Variants in PELI3 observed in about 807,000 individuals in gnomAD.
PELI3 encodes pellino E3 ubiquitin protein ligase family member 3, also known as E3 ubiquitin-protein ligase pellino homolog 3.
PELI3 carries 19 observed loss-of-function variants against 35.5 expected under a neutral mutation model. The observed-to-expected ratio is 0.54, with a 90% CI of 0.37 to 0.79. The LOEUF (loss-of-function observed/expected upper bound fraction) is 0.79, where lower values mean the gene tolerates loss of function less well. PELI3 is among the 30% of genes least tolerant of loss of function. The pLI is 0.00. For synonymous variants in PELI3, 262 were observed against 279.2 expected (o/e 0.94, Z 0.62); for missense variants, 490 against 661.2 (o/e 0.74, Z 2.84).
At chr11:66,471,205 C>T in intron 3 of PELI3, 37 bp from the exon 4 acceptor site, 1 of 1,585,850 alleles carries the variant, frequency 6.3e-7, no homozygotes. Context: ...TCTCTCTCCT[C>T]TTGCAACCCC....
chr11:66,472,669 C>A (rs550931957), intron 5 of PELI3, among the ~76,000 whole-genome samples, 199 bp downstream of exon 5: 1 of 152,276 alleles, frequency 6.6e-6, no homozygotes, highest in Admixed American at 6.5e-5. Context: ...ATTCAAGACT[C>A]CTAGACTGTG....
chr11:66,474,353 C>T (rs1854829602), intron 7 of PELI3: 3 of 472,706 alleles, frequency 6.3e-6, no homozygotes, highest in Admixed American at 4.2e-5. Context: ...GTTCTCCTCT[C>T]GCAGGAGGAA....
In PELI3 at chr11:66,468,898, A is replaced by G. The variant is rs1753056913; in HGVS notation, c.218A>G (p.His73Arg). 2 of 770,986 alleles carry G rather than the reference A, an allele frequency of 2.6e-6. No individual in the cohort carries two copies. Among genetic ancestry groups the G allele is most frequent in the Non-Finnish European group, 4.8e-6 (2 of 412,834 alleles). 47.8% of individuals were successfully genotyped at this position (770,986 alleles called of 1,614,324 possible). ...GGGGAAGTGACTGGCCCAAGGGCAC[A>G]CAGCTGGTAAGTGGCAGGGCTGGGA... ...QRGEVTGPRA[H>R]SCYNGCLASG... Residue 73 changes from histidine to arginine, a missense_variant, in exon 3 of 8, where the codon CAC (histidine) becomes CGC (arginine). By Grantham distance (29) the His-to-Arg change is conservative (BLOSUM62 0). This residue lies in a region of PELI3 where 137 missense variants were observed against 157.1 expected (regional missense o/e 0.87). Coordinates refer to ENST00000320740, the MANE Select transcript of PELI3 (RefSeq NM_145065.3).
Position 66,476,318 on chromosome 11 carries a change from G to A in PELI3, c.*151G>A, listed in dbSNP as rs1312391017. 3 of 866,108 alleles carry A rather than the reference G, an allele frequency of 3.5e-6. No homozygotes were observed. Among genetic ancestry groups the A allele is most frequent in the Non-Finnish European group, 5.1e-6 (3 of 583,106 alleles). The allele number at this position is 866,108 out of a possible 1,614,324, so 53.7% of individuals were successfully genotyped here. ...ATGGGCTGTGCCCTTCCCCCCAACT[G>A]TGGCCCCCCAAGGAGGTCCCCAAGA... On this transcript the variant is annotated 3_prime_UTR_variant, in exon 8 of 8. Transcript: ENST00000320740.
At position 66,468,237 on chromosome 11, in the gene PELI3, C is replaced by T. The variant is rs1854604491; in HGVS notation, c.109C>T (p.Pro37Ser). 3.1e-6 allele frequency: 5 copies of T among 1,593,152 alleles called. No homozygotes were observed. In the East Asian group the frequency reaches 6.9e-5, roughly 22 times the overall value. ...VLSSPGEDAQPGEEPIKYGEL... is the reference protein window; with the variant it reads ...VLSSPGEDAQSGEEPIKYGEL... ...CTCCTCTCCCGGTGAAGATGCGCAG[C>T]CAGGCGAGGAGCCCATCAAGTATGG... The change falls in exon 2 of 8, where the codon CCA becomes TCA. Residue 37 changes from proline (P) to serine (S), a missense_variant. Coordinates refer to ENST00000320740, the MANE Select transcript of PELI3 (RefSeq NM_145065.3).
At chr11:66,468,334 C>A (rs930741639) in intron 2 of PELI3, 54 bp downstream of exon 2, 3 of 1,405,674 alleles carry the variant, frequency 2.1e-6, no homozygotes, top group African/African-American at 1.5e-5. Context: ...CCCAACGCAG[C>A]CAGAACAAGG....
chr11:66,474,263 T>TG, intron 7 of PELI3: 1 of 596,310 alleles, frequency 1.7e-6, no homozygotes, highest in Non-Finnish European at 3.0e-6. Flanking sequence ...GAGTGACACT[T>TG]GGCCCATGTG....
rs1383046491 is a variant in PELI3 at position 66,475,922 on chromosome 11, C to T, written c.1165C>T (p.Leu389Phe). The change falls in exon 8 of 8, where the codon CTT becomes TTT. Residue 389 changes from leucine (L) to phenylalanine (F), a missense_variant. Transcript: ENST00000320740. The stretch of plus-strand genomic sequence containing the variant: ...GGAGCGCGAATGTCCTCTCTGCCGC[C>T]TTGTGGGGCCTTATGTGCCTCTATG... The part of the protein sequence containing the change: ...PQERECPLCR[L>F]VGPYVPLWLG... 2.5e-6 allele frequency: 4 copies of T among 1,611,294 alleles called. No individual in the cohort carries two copies. Among genetic ancestry groups the T allele is most frequent in the Admixed American group, 1.7e-5 (1 of 59,902 alleles).
chr11:66,471,213 C>T (rs1328874202), intron 3 of PELI3, 29 bp from the exon 4 acceptor site: 1 of 1,595,530 alleles, frequency 6.3e-7, no homozygotes, highest in Non-Finnish European at 8.6e-7. Context: ...CTCTTGCAAC[C>T]CCTTCTTCTT....
In PELI3 at chr11:66,467,502, A is replaced by C. The variant is rs529394849; in HGVS notation, c.-2+475A>C. 2.0e-5 allele frequency: 3 copies of C among 152,482 alleles called. No homozygotes were observed. The highest frequency in any genetic ancestry group is 2.1e-4 in the South Asian group (1 of 4,852). 9.4% of individuals were successfully genotyped at this position (152,482 alleles called of 1,614,324 possible). On this transcript the variant is annotated intron_variant, in intron 1 of 7. Transcript: ENST00000320740. The surrounding 1 kb of genome is among the most constrained non-coding windows in gnomAD (Gnocchi z 4.2). Reference sequence around the variant, plus strand: ...AGGGAGGGAAGAGCGCGCACCCAGGAGGAGTCTATTGGCCTACCCGCAGGG... The same window carrying C: ...AGGGAGGGAAGAGCGCGCACCCAGGCGGAGTCTATTGGCCTACCCGCAGGG...
In PELI3 at chr11:66,473,139, G is replaced by A. The variant is rs1565258860; in HGVS notation, c.457-102G>A. ...CCAGGGCCTGGCAGCCTCCTTTTTTGGTGACCTTGCATACAGAGCAGCTGC... is the reference window on the plus strand; with the variant it reads ...CCAGGGCCTGGCAGCCTCCTTTTTTAGTGACCTTGCATACAGAGCAGCTGC... On this transcript the variant is annotated intron_variant, in intron 5 of 7. Transcript: ENST00000320740. This position sits in a 1 kb window ranked among gnomAD's most constrained non-coding sequence, Gnocchi z 5.8. The A allele has an allele frequency of 3.3e-6, 4 of 1,206,428 alleles. No homozygotes were observed. Among genetic ancestry groups the A allele is most frequent in the African/African-American group, 3.0e-5 (2 of 65,850 alleles). 74.7% of individuals were successfully genotyped at this position (1,206,428 alleles called of 1,614,324 possible).
rs1050099789 is a variant in PELI3, at chr11:66,475,678, G to A, written c.921G>A (p.Ala307=). The change falls in exon 8 of 8, where the codon GCG becomes GCA. Residue 307 remains alanine, a synonymous_variant. Coordinates refer to ENST00000320740, the MANE Select transcript of PELI3 (RefSeq NM_145065.3). ...CGATLLWRTP[A]GLLRAPTLKQ... ...CCACACTGCTGTGGCGCACACCGGC[G>A]GGGCTGCTGCGGGCTCCCACACTGA... 6.2e-6 allele frequency: 10 copies of A among 1,612,426 alleles called. No homozygotes were observed. The Admixed American group carries it at 8.3e-5, about 13-fold the overall frequency.
Position 66,477,302 on chromosome 11 carries a change from GATA to G in PELI3, c.*1143_*1145del, listed in dbSNP as rs540590231. On this transcript the variant is annotated 3_prime_UTR_variant, in exon 8 of 8. Transcript: ENST00000320740. Reference sequence around the variant, plus strand: ...ATGTGCCCCGCACTGTGCTGATGATGATAATAATAACTACGTCCATTGAGCACT... The same window carrying G: ...ATGTGCCCCGCACTGTGCTGATGATGATAATAACTACGTCCATTGAGCACT... The G allele has an allele frequency of 7.9e-5, 12 of 152,302 alleles. No individual in the cohort carries two copies. The East Asian group carries it at 1.5e-3, about 20-fold the overall frequency. 9.4% of individuals were successfully genotyped at this position (152,302 alleles called of 1,614,324 possible). A position where few individuals can be genotyped will look rare whatever the true frequency, so the allele number is the denominator to read the frequency against.
chr11:66,475,894 C>T lies in PELI3; in HGVS notation c.1137C>T (p.Pro379=), dbSNP rs962144383. The change falls in exon 8 of 8, where the codon CCC becomes CCT. Residue 379 remains proline, a synonymous_variant. Transcript: ENST00000320740. The stretch of plus-strand genomic sequence containing the variant: ...GGGGCTGCCGGCGGGAGCGGGGCCC[C>T]CAGGAGCGCGAATGTCCTCTCTGCC... ...HGWGCRRERG[P]QERECPLCRL... 1.2e-6 allele frequency: 2 copies of T among 1,607,990 alleles called. No homozygotes were observed. Among genetic ancestry groups the T allele is most frequent in the Non-Finnish European group, 1.7e-6 (2 of 1,177,824 alleles).
Position 66,472,352 on chromosome 11 carries a change from T to C in PELI3, c.355-17T>C, listed in dbSNP as rs769066394. 101 of 1,609,538 alleles carry C rather than the reference T, an allele frequency of 6.3e-5. No homozygotes were observed. Among genetic ancestry groups the C allele is most frequent in the Non-Finnish European group, 8.3e-5 (98 of 1,176,034 alleles). ...ATGGCTGCACACCCTGGCAAGTGACTTTTTTCTCCCCACCAGGCACTGAGT... is the reference window on the plus strand; with the variant it reads ...ATGGCTGCACACCCTGGCAAGTGACCTTTTTCTCCCCACCAGGCACTGAGT... On this transcript the variant is annotated splice_polypyrimidine_tract_variant and intron_variant, in intron 4 of 7. Transcript: ENST00000320740.
In PELI3 at chr11:66,475,777, C is replaced by T; in HGVS notation, c.1020C>T (p.Ala340=). The T allele has an allele frequency of 6.2e-7, 1 of 1,610,016 alleles. No individual in the cohort carries two copies. Among genetic ancestry groups the T allele is most frequent in the Non-Finnish European group, 8.5e-7 (1 of 1,178,972 alleles). Reference sequence around the variant, plus strand: ...GCCCCGTGGGCCTCAGCACTCTGGCCTTCCCCAGCCCAGCCCGTGGCCGCA... The same window carrying T: ...GCCCCGTGGGCCTCAGCACTCTGGCTTTCCCCAGCCCAGCCCGTGGCCGCA... ...PQCPVGLSTL[A]FPSPARGRTA... The change falls in exon 8 of 8, where the codon GCC becomes GCT. Residue 340 remains alanine (A), a synonymous_variant. Transcript: ENST00000320740.
In PELI3 at chr11:66,468,123, C is replaced by A; in HGVS notation, c.-1-5C>A. 1 of 1,600,772 alleles carries A rather than the reference C, an allele frequency of 6.2e-7. No individual in the cohort carries two copies. The highest frequency in any genetic ancestry group is 8.5e-7 in the Non-Finnish European group (1 of 1,172,888). On this transcript the variant is annotated splice_region_variant and splice_polypyrimidine_tract_variant and intron_variant, in intron 1 of 7. Coordinates refer to ENST00000320740, the MANE Select transcript of PELI3 (RefSeq NM_145065.3). ...CAAAGCTCTTTTCTCTCCCACTCTGCCCAGAATGGTGCTGGAAGGAAACCC... is the reference window on the plus strand; with the variant it reads ...CAAAGCTCTTTTCTCTCCCACTCTGACCAGAATGGTGCTGGAAGGAAACCC...
Position 66,476,191 on chromosome 11 carries a change from GTGCCCACC to G in PELI3, c.*33_*40del. On this transcript the variant is annotated 3_prime_UTR_variant, in exon 8 of 8. Transcript: ENST00000320740. ...AGGCTCCCTGGGGCCCCCTGCTGCTGTGCCCACCTGCCCACCCAGGTCCCCACCTCCTG... is the reference window on the plus strand; with the variant it reads ...AGGCTCCCTGGGGCCCCCTGCTGCTGTGCCCACCCAGGTCCCCACCTCCTG... 1 of 1,523,664 alleles carries G rather than the reference GTGCCCACC, an allele frequency of 6.6e-7. No homozygotes were observed. The highest frequency in any genetic ancestry group is 8.8e-7 in the Non-Finnish European group (1 of 1,139,412). The allele number at this position is 1,523,664 out of a possible 1,614,324, so 94.4% of individuals were successfully genotyped here.
Position 66,467,521 on chromosome 11 carries a change from C to T in PELI3, c.-2+494C>T, listed in dbSNP as rs750683541. 2 of 152,118 alleles carry T rather than the reference C, an allele frequency of 1.3e-5. No homozygotes were observed. Among genetic ancestry groups the T allele is most frequent in the Admixed American group, 1.3e-4 (2 of 15,246 alleles). The allele number at this position is 152,118 out of a possible 1,614,324, so 9.4% of individuals were successfully genotyped here. A position where few individuals can be genotyped will look rare whatever the true frequency, so the allele number is the denominator to read the frequency against. Reference sequence around the variant, plus strand: ...CCCAGGAGGAGTCTATTGGCCTACCCGCAGGGGGAGGCCGAGATGGGGAGA... The same window carrying T: ...CCCAGGAGGAGTCTATTGGCCTACCTGCAGGGGGAGGCCGAGATGGGGAGA... On this transcript the variant is annotated intron_variant, in intron 1 of 7. Transcript: ENST00000320740. This position sits in a 1 kb window ranked among gnomAD's most constrained non-coding sequence, Gnocchi z 4.2.
Sources: allele counts gnomAD v4.1 joint callset (sites outside exome capture counted in the v4.1 genomes callset), GRCh38; gene constraint gnomAD v4.1.1; regional missense constraint gnomAD v4.1.1; non-coding constraint Gnocchi (gnomAD v3.1); transcripts MANE v1.5; gene names NCBI Gene and HGNC (gene_info 2026-07-23, HGNC 2026-07-21).